The following SLC5A4 variants were observed in gnomAD, a reference collection of about 807,000 sequenced individuals.
SLC5A4 encodes the protein probable glucose sensor protein SLC5A4.
Under a neutral mutation model 70.3 loss-of-function variants are expected in SLC5A4, and 55 were observed. That is an observed-to-expected ratio of 0.78 (90% confidence interval 0.63 to 0.98). The LOEUF is 0.98. Ranked by LOEUF, SLC5A4 falls within the 50% of genes least tolerant of loss-of-function variation. The probability of loss-of-function intolerance (pLI) is 0.00; values close to 1 mark genes in which losing one functional copy is unlikely to be tolerated. For missense variants in SLC5A4, 735 were observed against 839.2 expected (o/e 0.88, Z 1.53); for synonymous variants, 268 against 305.7 (o/e 0.88, Z 1.29).
At chr22:32,238,648 C>T (rs1216418208) in intron 6 of SLC5A4, among the ~76,000 whole-genome samples, 1 of 152,170 alleles carries the variant, frequency 6.6e-6, no homozygotes, top group Non-Finnish European at 1.5e-5. Context: ...TGCTAGTCTC[C>T]TATCTGAGCT....
the SLC5A4 span, among the ~76,000 whole-genome samples, chr22:32,306,465 CAAAAAA>C: frequency 2.7e-4 from 36 of 135,732 alleles, no homozygotes; most frequent in African/African-American, 8.6e-4. Flanking sequence ...GACTCGGTCT[CAAAAAA>C]AAAAAACAAA....
the SLC5A4 span, among the ~76,000 whole-genome samples, chr22:32,326,270 A>G: frequency 1.3e-4 from 17 of 135,348 alleles, no homozygotes; most frequent in Non-Finnish European, 2.2e-4. Flanking sequence ...GCCTTCACGT[A>G]TTTTTTTTTT....
At position 32,229,329 on chromosome 22, in the gene SLC5A4, A is replaced by G. The variant is rs1290346496; in HGVS notation, c.1145T>C (p.Met382Thr). 6.2e-7 allele frequency: 1 copy of G among 1,614,224 alleles called. No individual in the cohort carries two copies. Among genetic ancestry groups the G allele is most frequent in the Non-Finnish European group, 8.5e-7 (1 of 1,180,032 alleles). ...GAGAGAGGCCAGCATGACCGAAAGC[A>G]TCAGGCCTCGCAGTCCTGGAGCCGG... is the stretch of plus-strand genomic sequence containing the variant. ...ELMPQGLRGL[M>T]LSVMLASLMS... is the part of the protein sequence containing the mutation. Residue 382 changes from methionine (M) to threonine (T), a missense_variant, in exon 11 of 15, where the codon ATG (methionine) becomes ACG (threonine). Met to Thr is a moderately conservative substitution (Grantham distance 81). Coordinates refer to ENST00000266086, the MANE Select transcript of SLC5A4 (RefSeq NM_014227.3).
chr22:32,317,057 T>C, the SLC5A4 span, among the ~76,000 whole-genome samples: 116 of 150,650 alleles, frequency 7.7e-4, 1 homozygote, highest in African/African-American at 2.7e-3. Flanking sequence ...TTCCAAAAAA[T>C]AGAAAAAAGA....
the SLC5A4 span, among the ~76,000 whole-genome samples, chr22:32,333,194 G>A: frequency 9.0e-6 from 1 of 111,504 alleles, no homozygotes; most frequent in East Asian, 3.4e-4. Context: ...TCTAGCACTG[G>A]CACCCCCCCC....
the SLC5A4 span, chr22:32,273,475 C>T: frequency 6.9e-4 from 110 of 159,166 alleles, 1 homozygote; most frequent in African/African-American, 2.4e-3. Context: ...CAGTGATAGA[C>T]GCCTTTTCTA....
the SLC5A4 span, chr22:32,270,591 C>T: frequency 2.7e-6 from 2 of 735,162 alleles, no homozygotes; most frequent in Non-Finnish European, 5.1e-6. Context: ...TGGAGCTGGA[C>T]ACCAGTGGCT....
chr22:32,302,444 T>C, the SLC5A4 span, among the ~76,000 whole-genome samples: 1 of 152,220 alleles, frequency 6.6e-6, no homozygotes, highest in South Asian at 2.1e-4. Context: ...TAGTTTTACA[T>C]TTAACATTTA....
At chr22:32,223,496 G>C (rs1188283772) in intron 13 of SLC5A4, among the ~76,000 whole-genome samples, 3 of 152,046 alleles carry the variant, frequency 2.0e-5, no homozygotes, top group Non-Finnish European at 2.9e-5. Flanking sequence ...AAATTGAAAG[G>C]CAAAAATGCA....
At chr22:32,239,988 C>T (rs371140559) in intron 5 of SLC5A4, among the ~76,000 whole-genome samples, 27 of 124,778 alleles carry the variant, frequency 2.2e-4, no homozygotes, top group East Asian at 1.5e-3. Context: ...GGCGCCACTG[C>T]ATTCCAGCTG....
intron 2 of SLC5A4, among the ~76,000 whole-genome samples, chr22:32,252,756 C>T (rs915264091): frequency 3.9e-5 from 6 of 152,138 alleles, no homozygotes; most frequent in Non-Finnish European, 8.8e-5. Flanking sequence ...CCCAAGCTGG[C>T]TAGGAGGGAG....
At position 32,255,291 on chromosome 22, in the gene SLC5A4, G is replaced by A; in HGVS notation, c.39C>T (p.Thr13=). The change falls in exon 1 of 15, where the codon ACC becomes ACT. Residue 13 remains threonine (T), a synonymous_variant. Coordinates refer to ENST00000266086, the MANE Select transcript of SLC5A4 (RefSeq NM_014227.3). The part of the protein sequence containing the change: ...STVSPSTIAE[T]PEPPPLSDHI... ...GGTCAGACAATGGAGGTGGCTCTGG[G>A]GTCTCAGCTATGGTGCTGGGGCTAA... 6.2e-7 allele frequency: 1 copy of A among 1,614,084 alleles called. No individual in the cohort carries two copies. Among genetic ancestry groups the A allele is most frequent in the Non-Finnish European group, 8.5e-7 (1 of 1,180,014 alleles).
chr22:32,260,654 G>C, the SLC5A4 span, among the ~76,000 whole-genome samples: 23 of 152,112 alleles, frequency 1.5e-4, no homozygotes, highest in African/African-American at 4.8e-4. Context: ...GCAGAACCTT[G>C]CCCTAACAGT....
At chr22:32,311,302 G>A in the SLC5A4 span, among the ~76,000 whole-genome samples, 1 of 152,148 alleles carries the variant, frequency 6.6e-6, no homozygotes. Flanking sequence ...GTCAGTGTGA[G>A]AACACTAGGT....
intron 2 of SLC5A4, among the ~76,000 whole-genome samples, chr22:32,253,336 G>T (rs1927282773): frequency 1.3e-5 from 2 of 152,206 alleles, no homozygotes; most frequent in Non-Finnish European, 1.5e-5. Context: ...CACTGGGCAA[G>T]AATCAAGAGG....
At chr22:32,323,540 T>TATTC in the SLC5A4 span, among the ~76,000 whole-genome samples, 16 of 152,176 alleles carry the variant, frequency 1.1e-4, no homozygotes, top group Non-Finnish European at 2.2e-4. Context: ...ACCTGGTGAC[T>TATTC]ATTCAGTCTC....
the SLC5A4 span, among the ~76,000 whole-genome samples, chr22:32,332,728 G>A: frequency 6.0e-4 from 91 of 152,284 alleles, 1 homozygote; most frequent in East Asian, 8.7e-3. Flanking sequence ...GACACTTCTC[G>A]GGGAACTTAG....
the SLC5A4 span, among the ~76,000 whole-genome samples, chr22:32,260,803 T>C: frequency 6.6e-6 from 1 of 152,228 alleles, no homozygotes; most frequent in Non-Finnish European, 1.5e-5. Flanking sequence ...CTGGGCACAG[T>C]GGCTCATGCC....
the SLC5A4 span, among the ~76,000 whole-genome samples, chr22:32,267,910 G>A: frequency 2.0e-5 from 3 of 152,068 alleles, no homozygotes; most frequent in African/African-American, 7.2e-5. Context: ...GGATCACGAG[G>A]TCAGGAGATT....
Sources: allele counts gnomAD v4.1 joint callset (sites outside exome capture counted in the v4.1 genomes callset), GRCh38; gene constraint gnomAD v4.1.1; transcripts MANE v1.5; gene names NCBI Gene and HGNC (gene_info 2026-07-23, HGNC 2026-07-21).